The following BRF1 variants were observed in gnomAD, a reference collection of about 807,000 sequenced individuals.
The protein encoded by BRF1 is transcription factor IIIB 90 kDa subunit.
BRF1 carries 59 observed loss-of-function variants against 81.7 expected under a neutral mutation model. That is an observed-to-expected ratio of 0.72 (90% CI 0.59 to 0.90). The LOEUF (loss-of-function observed/expected upper bound fraction) is 0.90. BRF1 is among the 40% of genes least tolerant of loss of function. BRF1 has a pLI of 0.00. For synonymous variants in BRF1, 491 were observed against 395.6 expected (o/e 1.24, Z -2.86); for missense variants, 1,050 against 936.3 (o/e 1.12, Z -1.58).
rs758254421 is a variant in BRF1 at position 105,221,844 on chromosome 14, C to T, written c.1119G>A (p.Ala373=). The T allele has an allele frequency of 8.7e-6, 14 of 1,607,720 alleles. No homozygotes were observed. Among genetic ancestry groups the T allele is most frequent in the Middle Eastern group, 1.7e-4 (1 of 6,012 alleles). ...ATAAGTCTTTGTTCAGGTGGCTGGCCGCGGCTTCCAGCTCCTCGTCCTCTG... is the reference window on the plus strand; with the variant it reads ...ATAAGTCTTTGTTCAGGTGGCTGGCTGCGGCTTCCAGCTCCTCGTCCTCTG... The part of the protein sequence containing the change: ...EDTEDEELEA[A]ASHLNKDLYR... The change falls in exon 11 of 18, where the codon GCG becomes GCA. Residue 373 remains alanine, a synonymous_variant. Coordinates refer to ENST00000547530, the MANE Select transcript of BRF1 (RefSeq NM_001519.4).
At position 105,241,280 on chromosome 14, in the gene BRF1, C is replaced by T. The variant is rs761839348; in HGVS notation, c.679G>A (p.Gly227Ser). The part of the protein sequence containing the change: ...DWMHTGRRPS[G>S]LCGAALLVAA... ...CCCGCTGTACCTGCTCCGCAGAGGC[C>T]CGAGGGGCGCCGGCCTGTGTGCATC... Residue 227 changes from glycine (G) to serine (S), a missense_variant, in exon 6 of 18, where the codon GGC (glycine) becomes AGC (serine). Around this residue, in one of 2 missense-constraint regions of BRF1, gnomAD observed 1,043 missense variants for 915.4 expected, o/e 1.14. Transcript: ENST00000547530. The T allele has an allele frequency of 3.7e-6, 6 of 1,611,998 alleles. No homozygotes were observed. Among genetic ancestry groups the T allele is most frequent in the Admixed American group, 1.7e-5 (1 of 60,008 alleles).
At chr14:105,248,147 G>T in intron 5 of BRF1, 1 of 985,506 alleles carries the variant, frequency 1.0e-6, no homozygotes, top group Non-Finnish European at 1.2e-6. Flanking sequence ...CCTCAGAGCA[G>T]AGTGGACCGC....
At position 105,315,171 on chromosome 14, in the gene BRF1, G is replaced by A; in HGVS notation, c.-162+151C>T. On this transcript the variant is annotated intron_variant, in intron 1 of 17. Transcript: ENST00000327359. This position sits in a 1 kb window ranked among gnomAD's most constrained non-coding sequence, Gnocchi z 4.4. ...GTCGCCCCCCGCGCCCCCGCCCGCCGGTTCGACGCGTGCAGCCGCCGCCCC... is the reference window on the plus strand; with the variant it reads ...GTCGCCCCCCGCGCCCCCGCCCGCCAGTTCGACGCGTGCAGCCGCCGCCCC... 2.5e-6 allele frequency: 1 copy of A among 405,588 alleles called. No homozygotes were observed. Among genetic ancestry groups the A allele is most frequent in the Non-Finnish European group, 3.4e-6 (1 of 292,528 alleles). The allele number at this position is 405,588 out of a possible 1,614,324, so 25.1% of individuals were successfully genotyped here.
chr14:105,225,079 C>A (rs1317379765), intron 10 of BRF1, among the ~76,000 whole-genome samples: 2 of 152,194 alleles, frequency 1.3e-5, no homozygotes, highest in Non-Finnish European at 2.9e-5. Context: ...GGGGCTCCGG[C>A]TGCCACATTC....
At chr14:105,225,118 G>A (rs1334579332) in intron 10 of BRF1, among the ~76,000 whole-genome samples, 1 of 152,140 alleles carries the variant, frequency 6.6e-6, no homozygotes, top group Non-Finnish European at 1.5e-5. Context: ...CTGGACTGTT[G>A]GCTCTGCCCC....
chr14:105,260,250 C>T (rs1048918884), intron 3 of BRF1, among the ~76,000 whole-genome samples: 6 of 152,282 alleles, frequency 3.9e-5, no homozygotes, highest in South Asian at 2.1e-4. Flanking sequence ...AGTACACAGA[C>T]GTCTGCAACT....
At chr14:105,248,679 G>A in intron 5 of BRF1, 10 of 981,850 alleles carry the variant, frequency 1.0e-5, no homozygotes, top group Non-Finnish European at 1.2e-5. Flanking sequence ...GGAGCGGGTG[G>A]CAGCCCCGCG....
In BRF1 at chr14:105,219,048, CT is replaced by C; in HGVS notation, c.1464del (p.Glu489LysfsTer4). The C allele has an allele frequency of 6.2e-7, 1 of 1,613,698 alleles. No individual in the cohort carries two copies. The highest frequency in any genetic ancestry group is 8.5e-7 in the Non-Finnish European group (1 of 1,180,012). On this transcript the variant is annotated frameshift_variant, in exon 14 of 18. Coordinates refer to ENST00000547530, the MANE Select transcript of BRF1 (RefSeq NM_001519.4). LOFTEE classifies it high-confidence loss of function. ...NAEYLREQRE[K>X]EARIAKEKEL... ...TCCTTCTCTTTCGCTATTCTTGCTT[CT>C]TTTTCTAAAAGTTCAGAAAGGGGGC... is the stretch of plus-strand genomic sequence containing the variant.
chr14:105,298,339 G>A (rs2057824997), intron 1 of BRF1, among the ~76,000 whole-genome samples: 1 of 152,190 alleles, frequency 6.6e-6, no homozygotes, highest in Non-Finnish European at 1.5e-5. Flanking sequence ...CAATATAACA[G>A]GTATAGTAAA....
chr14:105,272,569 G>T, intron 3 of BRF1, 152 bp downstream of exon 3: 1 of 1,048,892 alleles, frequency 9.5e-7, no homozygotes, highest in Non-Finnish European at 1.3e-6. Flanking sequence ...AATTCAGAAA[G>T]CCCTGGATCA....
rs779038914 is a variant in BRF1 at position 105,241,322 on chromosome 14, T to A, written c.637A>T (p.Arg213Trp). ...GTGTGCATCCAGTCCCGCTTCATCC[T>A]CTGTAGGAGCCTCAGGGCAGTCATG... ...VSMTALRLLQ[R>W]MKRDWMHTGR... The change falls in exon 6 of 18, where the codon AGG becomes TGG. Residue 213 changes from arginine (R) to tryptophan (W), a missense_variant. Arg to Trp is a moderately radical substitution (Grantham distance 101). Around this residue, in one of 2 missense-constraint regions of BRF1, gnomAD observed 1,043 missense variants for 915.4 expected, o/e 1.14. Coordinates refer to ENST00000547530, the MANE Select transcript of BRF1 (RefSeq NM_001519.4). 6.2e-7 allele frequency: 1 copy of A among 1,612,726 alleles called. No homozygotes were observed. The highest frequency in any genetic ancestry group is 1.1e-5 in the South Asian group (1 of 91,082).
chr14:105,216,872 G>A (rs781204205), intron 15 of BRF1, among the ~76,000 whole-genome samples: 3 of 152,134 alleles, frequency 2.0e-5, no homozygotes, highest in Admixed American at 6.5e-5. Flanking sequence ...AAGCTAAGCC[G>A]CCAACCCCAT....
chr14:105,242,075 T>G (rs2054710869), intron 5 of BRF1: 1 of 152,572 alleles, frequency 6.6e-6, no homozygotes, highest in South Asian at 2.1e-4. Flanking sequence ...CACAGGGCCC[T>G]GCTGTGCCCC....
intron 5 of BRF1, chr14:105,249,467 G>C (rs776116265): frequency 1.2e-6 from 2 of 1,609,608 alleles, no homozygotes; most frequent in South Asian, 1.1e-5. Flanking sequence ...CAGCCTTTCT[G>C]ATCCTCTTAA....
chr14:105,253,903 TG>T (rs1489234979), intron 4 of BRF1, among the ~76,000 whole-genome samples: 2 of 152,362 alleles, frequency 1.3e-5, no homozygotes, highest in Middle Eastern at 3.4e-3. Flanking sequence ...GTAGTGTGTG[TG>T]TGCATCCGCA....
chr14:105,211,628 G>A, intron 16 of BRF1: 2 of 363,908 alleles, frequency 5.5e-6, no homozygotes, highest in South Asian at 4.0e-5. Context: ...AGCCCCCGGG[G>A]GCTTGGCCTG....
intron 14 of BRF1, among the ~76,000 whole-genome samples, 187 bp downstream of exon 14, chr14:105,218,811 G>A (rs749165602): frequency 1.8e-4 from 27 of 152,242 alleles, no homozygotes; most frequent in Non-Finnish European, 3.4e-4. Flanking sequence ...CTGGGCGCCT[G>A]TGGCCAGCAC....
At chr14:105,311,787 C>T (rs1463759714) in intron 1 of BRF1, among the ~76,000 whole-genome samples, 1 of 152,208 alleles carries the variant, frequency 6.6e-6, no homozygotes, top group Admixed American at 6.5e-5. Flanking sequence ...CATGGCTTCC[C>T]AGAAAATGCC....
intron 5 of BRF1, chr14:105,249,149 C>T (rs776540046): frequency 7.7e-6 from 12 of 1,568,064 alleles, no homozygotes; most frequent in Admixed American, 5.4e-5. Flanking sequence ...GTGCCTCTAC[C>T]TTTGCAGGAA....
Sources: gnomAD v4.1 joint callset for allele counts (sites outside exome capture counted in the v4.1 genomes callset) on GRCh38, gnomAD v4.1.1 for gene constraint, gnomAD v4.1.1 regional missense constraint, Gnocchi (gnomAD v3.1) non-coding constraint, MANE v1.5 for transcripts, NCBI Gene and HGNC (gene_info 2026-07-23, HGNC 2026-07-21) for gene names.